Variants in OXR1 observed in about 807,000 individuals in gnomAD.
OXR1 encodes the protein oxidation resistance protein 1.
In OXR1, 41 loss-of-function variants were observed where a neutral mutation model predicts 104.6. The ratio of observed to expected loss-of-function variants is 0.39; its 90% CI spans 0.31 to 0.51. The LOEUF (loss-of-function observed/expected upper bound fraction) is 0.51, where lower values mean the gene tolerates loss of function less well. OXR1 is among the 20% of genes least tolerant of loss of function. The probability of loss-of-function intolerance (pLI) is 0.77; values close to 1 mark genes in which losing one functional copy is unlikely to be tolerated. For missense variants in OXR1, 955 were observed against 1,031.9 expected (o/e 0.93, Z 1.02); for synonymous variants, 348 against 348.4 (o/e 1.00, Z 0.01).
intron 11 of OXR1, among the ~76,000 whole-genome samples, chr8:106,717,838 A>G (rs535378271): frequency 2.6e-5 from 4 of 152,280 alleles, no homozygotes; most frequent in African/African-American, 9.6e-5. Flanking sequence ...TCATAAAGCC[A>G]TAGATTCTGG....
intron 3 of OXR1, chr8:106,656,063 TTAA>T (rs1454967617): frequency 6.6e-6 from 1 of 152,190 alleles, no homozygotes; most frequent in East Asian, 1.9e-4. Context: ...ATTTAAATTA[TTAA>T]TGAGAATTAG....
intron 2 of OXR1, among the ~76,000 whole-genome samples, chr8:106,486,225 A>G (rs1228535318): frequency 1.3e-5 from 2 of 152,162 alleles, no homozygotes; most frequent in Non-Finnish European, 2.9e-5. Context: ...CATGGTAATT[A>G]TGTAAAATTT....
At chr8:106,376,597 T>C (rs1213626923) in intron 2 of OXR1, among the ~76,000 whole-genome samples, 1 of 152,216 alleles carries the variant, frequency 6.6e-6, no homozygotes, top group Non-Finnish European at 1.5e-5. Context: ...GAAAATGATG[T>C]CCTTCCTGAC....
intron 3 of OXR1, among the ~76,000 whole-genome samples, chr8:106,609,580 T>G (rs939180124): frequency 8.5e-5 from 13 of 152,166 alleles, no homozygotes; most frequent in African/African-American, 2.4e-4. Flanking sequence ...GCAGAAGAAT[T>G]AAGACTTTAA....
At chr8:106,275,520 T>A (rs1316017160) in intron 1 of OXR1, among the ~76,000 whole-genome samples, 1 of 152,212 alleles carries the variant, frequency 6.6e-6, no homozygotes, top group Non-Finnish European at 1.5e-5. Flanking sequence ...GTCACTATTT[T>A]GGGGGGATTA....
intron 3 of OXR1, among the ~76,000 whole-genome samples, chr8:106,666,477 C>T (rs1414048927): frequency 6.6e-6 from 1 of 152,110 alleles, no homozygotes; most frequent in Non-Finnish European, 1.5e-5. Flanking sequence ...CTTCCTAAAG[C>T]ACAATAAGAC....
At chr8:106,702,525 T>C (rs1295727851) in intron 7 of OXR1, among the ~76,000 whole-genome samples, 1 of 152,198 alleles carries the variant, frequency 6.6e-6, no homozygotes, top group Non-Finnish European at 1.5e-5. Flanking sequence ...GTCTGCACTG[T>C]ATACATGACA....
chr8:106,570,080 A>C (rs1322263690), intron 3 of OXR1, among the ~76,000 whole-genome samples: 2 of 152,196 alleles, frequency 1.3e-5, no homozygotes, highest in African/African-American at 4.8e-5. Context: ...ACCCCTGGCC[A>C]TGATTCTTGC....
At chr8:106,638,864 A>C (rs749590282) in intron 3 of OXR1, among the ~76,000 whole-genome samples, 55 of 151,638 alleles carry the variant, frequency 3.6e-4, no homozygotes, top group Non-Finnish European at 6.6e-4. Context: ...ACTGCACTCC[A>C]ACCTGGGCGC....
intron 2 of OXR1, among the ~76,000 whole-genome samples, chr8:106,360,283 A>G (rs1238770191): frequency 1.3e-5 from 2 of 152,210 alleles, no homozygotes; most frequent in African/African-American, 2.4e-5. Flanking sequence ...AAGGTATTTT[A>G]TTGAACTTTG....
intron 11 of OXR1, among the ~76,000 whole-genome samples, chr8:106,732,525 T>A (rs1377433190): frequency 6.6e-6 from 1 of 152,174 alleles, no homozygotes; most frequent in South Asian, 2.1e-4. Flanking sequence ...TGAATTTTTT[T>A]AATACATGTT....
At chr8:106,668,761 G>T (rs1398694514) in intron 3 of OXR1, among the ~76,000 whole-genome samples, 2 of 152,174 alleles carry the variant, frequency 1.3e-5, no homozygotes, top group Non-Finnish European at 2.9e-5. Flanking sequence ...TGACAGATTT[G>T]AAAACTGCTG....
rs866707745 is a variant in OXR1, at chr8:106,684,325, C to T, written c.491C>T (p.Pro164Leu). ...CTAAGCCCCGTAAGTCCTCTGTCAC[C>T]AACATCATCTGAGGCTGAATTTGAT... is the stretch of plus-strand genomic sequence containing the variant. ...PSLSPVSPLSPTSSEAEFDKT... is the reference protein window; with the variant it reads ...PSLSPVSPLSLTSSEAEFDKT... The change falls in exon 6 of 17, where the codon CCA becomes CTA. Residue 164 changes from proline to leucine, a missense_variant. Physicochemically the swap from Pro to Leu is moderately conservative, Grantham distance 98. Transcript: ENST00000517566. The T allele has an allele frequency of 1.6e-5, 25 of 1,601,402 alleles. No homozygotes were observed. Among genetic ancestry groups the T allele is most frequent in the Non-Finnish European group, 2.1e-5 (25 of 1,168,596 alleles).
intron 2 of OXR1, among the ~76,000 whole-genome samples, chr8:106,389,477 A>G (rs1263983194): frequency 6.6e-6 from 1 of 152,210 alleles, no homozygotes; most frequent in Non-Finnish European, 1.5e-5. Flanking sequence ...GCCTGTGTCT[A>G]TAGAGCCTAA....
intron 3 of OXR1, among the ~76,000 whole-genome samples, chr8:106,541,408 C>T (rs1318516599): frequency 6.6e-6 from 1 of 152,160 alleles, no homozygotes; most frequent in Non-Finnish European, 1.5e-5. Flanking sequence ...TACCAACAAG[C>T]ATAAACTCAT....
At chr8:106,650,453 A>T (rs2131006430) in intron 3 of OXR1, among the ~76,000 whole-genome samples, 1 of 152,216 alleles carries the variant, frequency 6.6e-6, no homozygotes, top group African/African-American at 2.4e-5. Context: ...GAAAGATCAC[A>T]TTTTTCTTAC....
At chr8:106,321,325 T>C (rs1287487140) in intron 1 of OXR1, among the ~76,000 whole-genome samples, 1 of 152,204 alleles carries the variant, frequency 6.6e-6, no homozygotes, top group Non-Finnish European at 1.5e-5. Context: ...GTATATAGTA[T>C]AGATTTTATA....
intron 3 of OXR1, among the ~76,000 whole-genome samples, 160 bp from the exon 4 acceptor site, chr8:106,679,050 T>G (rs1827884861): frequency 6.6e-6 from 1 of 151,726 alleles, no homozygotes. Context: ...GTTCAGTTCC[T>G]TTTTTTTGAC....
rs553110743 is a variant in OXR1 at position 106,610,883 on chromosome 8, G to A, written c.221-68327G>A. 1.1e-4 allele frequency among the ~76,000 whole-genome samples: 16 copies of A among 152,298 alleles called. No homozygotes were observed. The South Asian group carries it at 2.9e-3, about 28-fold the overall frequency. ...CATAAAGCATGTACACAGTCCTTCC[G>A]TCAATAAGGTTTTCCTTAAACATTT... On this transcript the variant is annotated intron_variant, in intron 3 of 16. Coordinates refer to ENST00000517566, the MANE Select transcript of OXR1 (RefSeq NM_001198533.2).
Sources: allele counts gnomAD v4.1 joint callset (sites outside exome capture counted in the v4.1 genomes callset), GRCh38; gene constraint gnomAD v4.1.1; transcripts MANE v1.5; gene names NCBI Gene and HGNC (gene_info 2026-07-23, HGNC 2026-07-21).